ZC4H2: variants seen among roughly 807,000 people sequenced by gnomAD.
ZC4H2 encodes zinc finger C4H2-type containing.
For missense variants in ZC4H2, 137 were observed against 173.9 expected, an observed-to-expected ratio of 0.79 and a Z score of 1.19; for synonymous variants, 84 against 66.3, an observed-to-expected ratio of 1.27 and a Z score of -1.30.
At chrX:65,024,045 G>T (rs1264968334) in intron 1 of ZC4H2, among the ~76,000 whole-genome samples, 1 of 110,263 alleles carries the variant, frequency 9.1e-6, no homozygotes, top group Admixed American at 9.7e-5. Context: ...TCATAAGTGG[G>T]AGTTGAACAA....
At chrX:64,939,560 C>A (rs926787927) in intron 1 of ZC4H2, among the ~76,000 whole-genome samples, 3 of 111,867 alleles carry the variant, frequency 2.7e-5, no homozygotes, top group African/African-American at 9.8e-5. Context: ...TTACAGAAAC[C>A]GAAACTGCAT....
intron 1 of ZC4H2, among the ~76,000 whole-genome samples, chrX:64,936,855 T>A (rs1403712026): frequency 1.8e-5 from 2 of 111,225 alleles, no homozygotes; most frequent in East Asian, 5.7e-4. Context: ...ATGAAGAAAC[T>A]GCAACAAATG....
At chrX:64,988,128 C>T (rs1932230676) in intron 1 of ZC4H2, among the ~76,000 whole-genome samples, 1 of 110,312 alleles carries the variant, frequency 9.1e-6, no homozygotes, top group South Asian at 3.9e-4. Context: ...TTAATCCACT[C>T]TATCATTGTT....
At chrX:65,004,085 G>A (rs1260353412) in intron 1 of ZC4H2, among the ~76,000 whole-genome samples, 3 of 111,442 alleles carry the variant, frequency 2.7e-5, no homozygotes, top group African/African-American at 9.8e-5. Context: ...TGAAATTGAG[G>A]CAGTAATTAA....
intron 1 of ZC4H2, among the ~76,000 whole-genome samples, chrX:64,929,442 A>C (rs1929638089): frequency 8.9e-6 from 1 of 111,761 alleles, no homozygotes; most frequent in Admixed American, 9.5e-5. Flanking sequence ...TTCTTTGCCT[A>C]AGCCAATGTC....
At chrX:65,008,036 G>A (rs1932695624) in intron 1 of ZC4H2, among the ~76,000 whole-genome samples, 1 of 111,112 alleles carries the variant, frequency 9.0e-6, no homozygotes, top group African/African-American at 3.3e-5. Context: ...CACATAGAAT[G>A]GGATAAAATA....
chrX:64,923,580 T>C (rs1370753083), intron 1 of ZC4H2, among the ~76,000 whole-genome samples: 2 of 110,377 alleles, frequency 1.8e-5, no homozygotes, highest in African/African-American at 6.6e-5. Context: ...CCTCAAGAGG[T>C]AGCCTTCAAT....
chrX:64,993,673 G>A (rs1244781771), intron 1 of ZC4H2, among the ~76,000 whole-genome samples: 1 of 111,704 alleles, frequency 9.0e-6, no homozygotes, highest in Non-Finnish European at 1.9e-5. Context: ...ATGGTACTTT[G>A]TTATAACAGT....
At chrX:64,919,338 C>A (rs1242992869) in intron 3 of ZC4H2, 134 bp from the exon 4 acceptor site, 2 of 681,596 alleles carry the variant, frequency 2.9e-6, no homozygotes, top group African/African-American at 4.3e-5. Context: ...TTCCCAAGCA[C>A]AAGGCTATTG....
chrX:64,930,625 T>C (rs766164901), intron 1 of ZC4H2, among the ~76,000 whole-genome samples: 2 of 112,289 alleles, frequency 1.8e-5, no homozygotes, highest in Admixed American at 9.4e-5. Flanking sequence ...GAGCTAATCA[T>C]ATGATTTTTT....
intron 1 of ZC4H2, among the ~76,000 whole-genome samples, chrX:65,026,920 T>C (rs775815892): frequency 3.6e-5 from 4 of 111,596 alleles, no homozygotes; most frequent in Non-Finnish European, 5.6e-5. Flanking sequence ...GACCATATGG[T>C]AGAAAAGTTG....
chrX:65,002,046 T>C (rs1932548291), intron 1 of ZC4H2, among the ~76,000 whole-genome samples: 1 of 111,063 alleles, frequency 9.0e-6, no homozygotes. Context: ...GCCAGATAAT[T>C]AACAAGAATA....
chrX:64,987,746 T>C (rs1156303049), intron 1 of ZC4H2, among the ~76,000 whole-genome samples: 1 of 109,426 alleles, frequency 9.1e-6, no homozygotes, highest in Admixed American at 9.7e-5. Flanking sequence ...TTTTTATTAT[T>C]ATTATACTTT....
Position 64,960,668 on chromosome X carries a change from C to T in ZC4H2, c.53+15657G>A, listed in dbSNP as rs149630357. 2.9e-3 allele frequency among the ~76,000 whole-genome samples: 328 copies of T among 112,234 alleles called. 4 individuals carry two copies. The highest frequency in any genetic ancestry group is 9.9e-3 in the African/African-American group (307 of 30,978). On this transcript the variant is annotated intron_variant, in intron 1 of 4. Coordinates refer to ENST00000374839, the MANE Select transcript of ZC4H2 (RefSeq NM_018684.4). ...GAATACAAATACATGCAGCAACCAA[C>T]AAGATGAAATTCACTATTTCTGGCA... is the stretch of plus-strand genomic sequence containing the variant.
intron 1 of ZC4H2, among the ~76,000 whole-genome samples, chrX:64,956,716 C>T (rs1218538890): frequency 1.8e-5 from 2 of 111,969 alleles, no homozygotes; most frequent in Non-Finnish European, 3.8e-5. Context: ...TGGAGTCACT[C>T]ATACTAAATA....
chrX:64,941,351 T>C (rs945184914), intron 1 of ZC4H2, among the ~76,000 whole-genome samples: 2 of 112,125 alleles, frequency 1.8e-5, no homozygotes, highest in African/African-American at 3.2e-5. Flanking sequence ...AGAGACAATT[T>C]GACTTCCTCT....
chrX:64,953,213 A>C (rs1406316591), intron 1 of ZC4H2, among the ~76,000 whole-genome samples: 1 of 112,368 alleles, frequency 8.9e-6, no homozygotes, highest in East Asian at 2.8e-4. Flanking sequence ...AAAACCATAA[A>C]AACCTTAGAA....
At chrX:65,028,048 G>A (rs1005100387) in intron 1 of ZC4H2, among the ~76,000 whole-genome samples, 11 of 111,709 alleles carry the variant, frequency 9.8e-5, no homozygotes, top group Non-Finnish European at 1.7e-4. Flanking sequence ...TCAATAGGAA[G>A]AAATCTGAGT....
intron 1 of ZC4H2, among the ~76,000 whole-genome samples, chrX:64,949,886 C>T (rs1383486739): frequency 1.8e-5 from 2 of 111,439 alleles, no homozygotes; most frequent in East Asian, 2.8e-4. Context: ...TTGCCTTCTG[C>T]TAGCTTTTGA....
Sources: allele counts gnomAD v4.1 joint callset (sites outside exome capture counted in the v4.1 genomes callset), GRCh38; gene constraint gnomAD v4.1.1; transcripts MANE v1.5; gene names NCBI Gene and HGNC (gene_info 2026-07-23, HGNC 2026-07-21).